Variants in ADGRL2 observed in about 807,000 individuals in gnomAD.
The protein encoded by ADGRL2 is calcium-independent alpha-latrotoxin receptor 2.
ADGRL2 carries 44 observed loss-of-function variants against 157.4 expected under a neutral mutation model. The ratio of observed to expected loss-of-function variants is 0.28; its 90% confidence interval spans 0.22 to 0.36. The LOEUF (loss-of-function observed/expected upper bound fraction) is 0.36, where lower values mean the gene tolerates loss of function less well. Among genes scored for constraint, ADGRL2 ranks in the 10% least tolerant of loss-of-function variants. The pLI is 1.00. For missense variants in ADGRL2, 1,510 were observed against 1,768.9 expected, an observed-to-expected ratio of 0.85 and a Z score of 2.63; for synonymous variants, 585 against 624.7, an observed-to-expected ratio of 0.94 and a Z score of 0.95.
chr1:81,728,289 A>T (rs926484079), intron 1 of ADGRL2, among the ~76,000 whole-genome samples: 34 of 152,338 alleles, frequency 2.2e-4, no homozygotes, highest in African/African-American at 8.2e-4. Context: ...TAAAATTTTG[A>T]CTAAGCAAAA....
intron 2 of ADGRL2, among the ~76,000 whole-genome samples, chr1:81,905,141 A>G (rs1370173577): frequency 2.0e-5 from 3 of 149,512 alleles, no homozygotes; most frequent in African/African-American, 2.5e-5. Flanking sequence ...CTTTTTGCCC[A>G]AGCTAGAGTG....
chr1:81,646,269 G>T (rs575482795), intron 3 of ADGRL2, among the ~76,000 whole-genome samples: 1 of 152,202 alleles, frequency 6.6e-6, no homozygotes, highest in Admixed American at 6.5e-5. Context: ...ATCTCTAATT[G>T]CAGAATAAGA....
At chr1:81,638,122 G>A (rs929152353) in intron 3 of ADGRL2, among the ~76,000 whole-genome samples, 10 of 151,532 alleles carry the variant, frequency 6.6e-5, no homozygotes, top group African/African-American at 2.4e-4. Context: ...AGAAGAGAGT[G>A]GAATAAAATC....
Position 81,951,958 on chromosome 1 carries a change from TC to T in ADGRL2, c.1611del (p.Arg538GlufsTer26). 6.2e-7 allele frequency: 1 copy of T among 1,602,796 alleles called. No homozygotes were observed. The highest frequency in any genetic ancestry group is 8.5e-7 in the Non-Finnish European group (1 of 1,174,768). On this transcript the variant is annotated frameshift_variant and splice_region_variant, in exon 9 of 24. Coordinates refer to ENST00000686636, the MANE Select transcript of ADGRL2 (RefSeq NM_001366006.2). LOFTEE classifies it high-confidence loss of function. ...AGATAATACAAATTGTTTTTTCAGA[TC>T]AGAAGCGGAGAAAATGCTGCTAGTC... ...SHWVNQLAQK[I>X]RSGENAASLA...
intron 2 of ADGRL2, among the ~76,000 whole-genome samples, chr1:81,778,565 T>A (rs2086690494): frequency 6.6e-6 from 1 of 152,200 alleles, no homozygotes; most frequent in Non-Finnish European, 1.5e-5. Flanking sequence ...CATCGTCTTT[T>A]ATAATAAATA....
In ADGRL2 at chr1:81,446,844, A is replaced by T. The variant is rs546387228; in HGVS notation, c.-248+1755A>T. Reference sequence around the variant, plus strand: ...AATTGATATTTTGACATAAGTGGAGATATCATTTGTTATATTTAATTTAGG... The same window carrying T: ...AATTGATATTTTGACATAAGTGGAGTTATCATTTGTTATATTTAATTTAGG... On this transcript the variant is annotated intron_variant, in intron 2 of 24. Coordinates refer to the ADGRL2 transcript ENST00000370721. Among the ~76,000 whole-genome samples, 3 of 152,272 alleles carry T rather than the reference A, an allele frequency of 2.0e-5. No individual in the cohort carries two copies. In the South Asian group the frequency reaches 6.2e-4, roughly 32 times the overall value.
intron 2 of ADGRL2, among the ~76,000 whole-genome samples, chr1:81,841,454 T>C (rs1022492104): frequency 2.6e-5 from 4 of 152,172 alleles, no homozygotes; most frequent in Admixed American, 6.6e-5. Flanking sequence ...GGGTTAAATA[T>C]GAAATAGTGA....
In ADGRL2 at chr1:81,315,482, A is replaced by G. The variant is rs1386470095; in HGVS notation, c.-302+8973A>G. On this transcript the variant is annotated intron_variant, in intron 1 of 24. Coordinates refer to the ADGRL2 transcript ENST00000370721. ...TTAGAAATGACATAATGACAATTTT[A>G]TCTCCAAAATAAAATAGTAAATTAT... 2.0e-5 allele frequency among the ~76,000 whole-genome samples: 3 copies of G among 152,160 alleles called. 1 individual carries two copies. In the South Asian group the frequency reaches 6.2e-4, roughly 31 times the overall value.
intron 1 of ADGRL2, among the ~76,000 whole-genome samples, chr1:81,374,964 C>A (rs1442162268): frequency 6.6e-6 from 1 of 152,170 alleles, no homozygotes; most frequent in Non-Finnish European, 1.5e-5. Flanking sequence ...AGATGGCTCT[C>A]ATTTGAGACC....
rs1475405671 is a variant in ADGRL2 at position 81,372,149 on chromosome 1, G to A, written c.-302+65640G>A. Among the ~76,000 whole-genome samples, 17 of 152,128 alleles carry A rather than the reference G, an allele frequency of 1.1e-4. No individual in the cohort carries two copies. The East Asian group carries it at 2.7e-3, about 24-fold the overall frequency. The stretch of plus-strand genomic sequence containing the variant: ...AGGTCATTCTCAAGTCTGCAATGTC[G>A]GTAGAACCTTACAAATTCTACATCA... On this transcript the variant is annotated intron_variant, in intron 1 of 24. Transcript: ENST00000370721.
intron 2 of ADGRL2, among the ~76,000 whole-genome samples, chr1:81,487,426 C>G (rs1361208448): frequency 6.6e-6 from 1 of 152,062 alleles, no homozygotes; most frequent in Non-Finnish European, 1.5e-5. Context: ...AGGCAGATCA[C>G]CTGAGGTTAG....
intron 18 of ADGRL2, chr1:81,980,965 TA>T (rs1661499334): frequency 2.1e-6 from 1 of 471,030 alleles, no homozygotes; most frequent in South Asian, 4.4e-5. Context: ...ATAGTATTTT[TA>T]AACTATAATA....
chr1:81,571,949 G>A (rs183409418), intron 2 of ADGRL2, among the ~76,000 whole-genome samples: 136 of 152,288 alleles, frequency 8.9e-4, no homozygotes, highest in Non-Finnish European at 1.7e-3. Context: ...CCAACTTGAA[G>A]TTCACTGTCA....
chr1:81,874,815 C>CT, intron 2 of ADGRL2, among the ~76,000 whole-genome samples: 1 of 152,132 alleles, frequency 6.6e-6, no homozygotes, highest in African/African-American at 2.4e-5. Flanking sequence ...AAGTGATTCT[C>CT]CTGCTTCAGC....
At chr1:81,692,708 T>C (rs1000499961) in intron 3 of ADGRL2, among the ~76,000 whole-genome samples, 1 of 152,232 alleles carries the variant, frequency 6.6e-6, no homozygotes, top group Non-Finnish European at 1.5e-5. Context: ...AGTCATTTTA[T>C]AGAATAGAAA....
chr1:81,690,566 G>A (rs1418931590), intron 3 of ADGRL2, among the ~76,000 whole-genome samples: 2 of 152,160 alleles, frequency 1.3e-5, no homozygotes, highest in East Asian at 3.9e-4. Flanking sequence ...TCTTGGAGAG[G>A]ATGAAATGAG....
intron 1 of ADGRL2, among the ~76,000 whole-genome samples, chr1:81,432,823 G>T (rs933173074): frequency 6.6e-6 from 1 of 152,202 alleles, no homozygotes. Context: ...GAAGGCTTGG[G>T]GCGGCATGGG....
At chr1:81,372,935 T>A (rs1218495178) in intron 1 of ADGRL2, among the ~76,000 whole-genome samples, 2 of 152,208 alleles carry the variant, frequency 1.3e-5, no homozygotes, top group Non-Finnish European at 2.9e-5. Flanking sequence ...TGGTTCTCAC[T>A]TTTTAATGTG....
intron 2 of ADGRL2, among the ~76,000 whole-genome samples, chr1:81,447,005 G>A (rs2077609307): frequency 1.3e-5 from 2 of 151,932 alleles, no homozygotes; most frequent in Non-Finnish European, 2.9e-5. Flanking sequence ...ATGAGATATA[G>A]GACCTAAACA....
Sources: gnomAD v4.1 joint callset for allele counts (sites outside exome capture counted in the v4.1 genomes callset) on GRCh38, gnomAD v4.1.1 for gene constraint, MANE v1.5 for transcripts, NCBI Gene and HGNC (gene_info 2026-07-23, HGNC 2026-07-21) for gene names.